The following HIPK3 variants were observed in gnomAD, a reference collection of about 807,000 sequenced individuals.
HIPK3 encodes the protein homeodomain-interacting protein kinase 3.
A neutral mutation model predicts 124.2 loss-of-function variants in HIPK3; 47 were observed. The observed-to-expected ratio is 0.38, with a 90% CI of 0.30 to 0.48. HIPK3 has a LOEUF of 0.48. HIPK3 is among the 20% of genes least tolerant of loss of function. The pLI is 0.98. For missense variants in HIPK3, 1,286 were observed against 1,454.3 expected (o/e 0.88, Z 1.88); for synonymous variants, 482 against 515.2 (o/e 0.94, Z 0.87).
chr11:33,308,700 T>C (rs1215813416), intron 2 of HIPK3, among the ~76,000 whole-genome samples: 1 of 151,452 alleles, frequency 6.6e-6, no homozygotes, highest in East Asian at 1.9e-4. Context: ...TCCCCAGTTT[T>C]GGAAAATTCT....
intron 8 of HIPK3, among the ~76,000 whole-genome samples, chr11:33,341,905 G>A (rs1853345913): frequency 6.6e-6 from 1 of 151,962 alleles, no homozygotes; most frequent in Non-Finnish European, 1.5e-5. Flanking sequence ...TTTGAGACCA[G>A]CCTGGCCAAC....
chr11:33,273,805 A>G (rs191751449), intron 1 of HIPK3, among the ~76,000 whole-genome samples: 120 of 152,294 alleles, frequency 7.9e-4, no homozygotes, highest in African/African-American at 2.6e-3. Context: ...AAAGTACTAT[A>G]CTCAAGCTTA....
chr11:33,295,512 G>A lies in HIPK3; in HGVS notation c.1097+8001G>A, dbSNP rs370944901. Among the ~76,000 whole-genome samples, 14 of 152,374 alleles carry A rather than the reference G, an allele frequency of 9.2e-5. No homozygotes were observed. In the East Asian group the frequency reaches 1.5e-3, roughly 17 times the overall value. On this transcript the variant is annotated intron_variant, in intron 2 of 16. Coordinates refer to ENST00000303296, the MANE Select transcript of HIPK3 (RefSeq NM_005734.5). ...TTGCGTCGTTATGAAACCTTCGGGCGTAGGCTCCGCCTGTGGTCGGAGTCA... is the reference window on the plus strand; with the variant it reads ...TTGCGTCGTTATGAAACCTTCGGGCATAGGCTCCGCCTGTGGTCGGAGTCA...
intron 2 of HIPK3, among the ~76,000 whole-genome samples, chr11:33,310,616 G>A (rs1322152852): frequency 6.6e-6 from 1 of 152,028 alleles, no homozygotes; most frequent in African/African-American, 2.4e-5. Flanking sequence ...GCCTATTTAA[G>A]TTTAAATTAA....
chr11:33,335,398 G>A (rs1037870355), intron 3 of HIPK3, among the ~76,000 whole-genome samples: 3 of 152,178 alleles, frequency 2.0e-5, no homozygotes, highest in Admixed American at 6.5e-5. Flanking sequence ...GCATGGCGTC[G>A]TGGAAATTGA....
intron 8 of HIPK3, among the ~76,000 whole-genome samples, chr11:33,342,305 A>G (rs2133988753): frequency 6.6e-6 from 1 of 152,236 alleles, no homozygotes. Flanking sequence ...TATACTGGGT[A>G]TCACTGTTTT....
intron 14 of HIPK3, 90 bp from the exon 15 acceptor site, chr11:33,351,518 T>G (rs949504007): frequency 1.4e-5 from 11 of 798,650 alleles, no homozygotes; most frequent in South Asian, 3.4e-5. Context: ...AATAATGTTC[T>G]CATCAGTTCA....
At chr11:33,299,740 C>T (rs1391057366) in intron 2 of HIPK3, among the ~76,000 whole-genome samples, 1 of 151,948 alleles carries the variant, frequency 6.6e-6, no homozygotes, top group African/African-American at 2.4e-5. Context: ...TTTGAGACAT[C>T]GTTGGCCAGG....
chr11:33,329,034 G>GT (rs1475412553), intron 3 of HIPK3, among the ~76,000 whole-genome samples: 3 of 152,110 alleles, frequency 2.0e-5, no homozygotes, highest in Non-Finnish European at 4.4e-5. Context: ...CATTATTGGT[G>GT]TTTTAAATAC....
chr11:33,337,565 A>G (rs1853191725), intron 4 of HIPK3, among the ~76,000 whole-genome samples: 1 of 151,782 alleles, frequency 6.6e-6, no homozygotes, highest in Non-Finnish European at 1.5e-5. Context: ...CATGTTGGCC[A>G]GGCTGGTCTT....
chr11:33,322,062 C>T (rs567876103), intron 2 of HIPK3, among the ~76,000 whole-genome samples: 136 of 152,180 alleles, frequency 8.9e-4, no homozygotes, highest in Non-Finnish European at 1.8e-3. Flanking sequence ...TGCAGTGGCG[C>T]GATCTTGGCT....
chr11:33,347,381 G>A lies in HIPK3; in HGVS notation c.1986G>A (p.Gln662=). 6.2e-7 allele frequency: 1 copy of A among 1,614,102 alleles called. No homozygotes were observed. Among genetic ancestry groups the A allele is most frequent in the Non-Finnish European group, 8.5e-7 (1 of 1,179,996 alleles). ...VPLVTQAPAV[Q]PLQIRPGVLS... ...TTGTAACTCAGGCCCCAGCTGTGCAGCCACTACAGATCCGACCAGGAGTTC... is the reference window on the plus strand; with the variant it reads ...TTGTAACTCAGGCCCCAGCTGTGCAACCACTACAGATCCGACCAGGAGTTC... The change falls in exon 9 of 17, where the codon CAG becomes CAA. Residue 662 remains glutamine (Q), a synonymous_variant. Coordinates refer to ENST00000303296, the MANE Select transcript of HIPK3 (RefSeq NM_005734.5).
chr11:33,328,908 C>CATTT (rs1479637733), intron 3 of HIPK3, among the ~76,000 whole-genome samples: 1 of 151,942 alleles, frequency 6.6e-6, no homozygotes, highest in African/African-American at 2.4e-5. Flanking sequence ...ATTGTGTGTC[C>CATTT]ATTTAATTAA....
rs1247254739 is a variant in HIPK3 at position 33,293,445 on chromosome 11, TA to T, written c.1097+5936del. 2.0e-5 allele frequency among the ~76,000 whole-genome samples: 3 copies of T among 152,112 alleles called. No homozygotes were observed. In the East Asian group the frequency reaches 5.8e-4, roughly 29 times the overall value. ...CCAGTCTGCCCATCACCCCCAGCCC[TA>T]AGCAACCACTAATCTACTTGCTGCC... On this transcript the variant is annotated intron_variant, in intron 2 of 16. Transcript: ENST00000303296.
rs560769645 is a variant in HIPK3, at chr11:33,258,120, C to A, written c.-3+231C>A. 3.9e-5 allele frequency among the ~76,000 whole-genome samples: 6 copies of A among 152,196 alleles called. No homozygotes were observed. In the South Asian group the frequency reaches 6.2e-4, roughly 16 times the overall value. ...CCCGGTATGAGCCGCTCCCTCGAAG[C>A]CGGCGCCACGCCAGGCCCTGGGCCG... On this transcript the variant is annotated intron_variant, in intron 1 of 16. Coordinates refer to ENST00000303296, the MANE Select transcript of HIPK3 (RefSeq NM_005734.5).
chr11:33,331,116 C>A (rs555946893), intron 3 of HIPK3, among the ~76,000 whole-genome samples: 32 of 152,268 alleles, frequency 2.1e-4, no homozygotes, highest in African/African-American at 7.5e-4. Flanking sequence ...CTCCTGATCT[C>A]AAATGATCCA....
intron 2 of HIPK3, among the ~76,000 whole-genome samples, chr11:33,306,465 C>CT (rs11408287): frequency 0.3 from 46,118 of 151,648 alleles, 7,516 homozygotes; most frequent in African/African-American, 0.42. Flanking sequence ...CTCTAAATTG[C>CT]TTTTTTTTAA....
intron 1 of HIPK3, among the ~76,000 whole-genome samples, chr11:33,268,540 A>G (rs181745910): frequency 2.6e-4 from 38 of 146,550 alleles, no homozygotes; most frequent in Non-Finnish European, 4.0e-4. Context: ...GCAGTGAGCT[A>G]GAATTGCACC....
intron 8 of HIPK3, among the ~76,000 whole-genome samples, chr11:33,346,310 T>C (rs1244987245): frequency 6.6e-6 from 1 of 152,178 alleles, no homozygotes; most frequent in Non-Finnish European, 1.5e-5. Flanking sequence ...AATGGTAGCA[T>C]GTTTGTTCTG....
Sources: gnomAD v4.1 joint callset for allele counts (sites outside exome capture counted in the v4.1 genomes callset) on GRCh38, gnomAD v4.1.1 for gene constraint, MANE v1.5 for transcripts, NCBI Gene and HGNC (gene_info 2026-07-23, HGNC 2026-07-21) for gene names.